The following RALA variants were observed in gnomAD, a reference collection of about 807,000 sequenced individuals.
RALA encodes ras-related protein Ral-A.
RALA carries 5 observed loss-of-function variants against 24.0 expected under a neutral mutation model. The ratio of observed to expected loss-of-function variants is 0.21; its 90% CI spans 0.11 to 0.44. RALA has a LOEUF of 0.44. Among genes scored for constraint, RALA ranks in the 20% least tolerant of loss-of-function variants. RALA has a pLI of 0.99. For missense variants in RALA, 95 were observed against 241.2 expected, an observed-to-expected ratio of 0.39 and a Z score of 4.01; for synonymous variants, 77 against 83.8, an observed-to-expected ratio of 0.92 and a Z score of 0.44.
rs181188082 is a variant in RALA, at chr7:39,677,992, A to G, written c.-37-8639A>G. Among the ~76,000 whole-genome samples, 470 of 145,134 alleles carry G rather than the reference A, an allele frequency of 3.2e-3. 1 individual carries two copies. The highest frequency in any genetic ancestry group is 0.01 in the Middle Eastern group (3 of 288). On this transcript the variant is annotated intron_variant, in intron 1 of 4. Coordinates refer to ENST00000005257, the MANE Select transcript of RALA (RefSeq NM_005402.4). ...AGTAGGTTGCGAAAATTTTCTCCCA[A>G]TGAGATCACATGGACACAGGAAGGG...
intron 1 of RALA, among the ~76,000 whole-genome samples, chr7:39,627,874 C>T (rs903356154): frequency 4.6e-5 from 7 of 152,158 alleles, no homozygotes; most frequent in African/African-American, 9.7e-5. Context: ...CTTTTTTGCC[C>T]ATTAATAAAA....
chr7:39,651,440 A>C (rs527920539), intron 1 of RALA, among the ~76,000 whole-genome samples: 1 of 152,306 alleles, frequency 6.6e-6, no homozygotes, highest in African/African-American at 2.4e-5. Context: ...TCCTCACCAC[A>C]CTGATCCACT....
At chr7:39,631,096 C>G (rs1172803713) in intron 1 of RALA, among the ~76,000 whole-genome samples, 1 of 151,662 alleles carries the variant, frequency 6.6e-6, no homozygotes, top group Admixed American at 6.6e-5. Flanking sequence ...TACCCTCTGC[C>G]TCCCAGGTTC....
At chr7:39,647,192 G>C (rs1791940899) in intron 1 of RALA, among the ~76,000 whole-genome samples, 1 of 152,118 alleles carries the variant, frequency 6.6e-6, no homozygotes, top group South Asian at 2.1e-4. Flanking sequence ...ACAGGCATGT[G>C]CCAGCATGCC....
At chr7:39,689,029 A>C (rs1792763139) in intron 2 of RALA, among the ~76,000 whole-genome samples, 1 of 152,172 alleles carries the variant, frequency 6.6e-6, no homozygotes, top group Admixed American at 6.5e-5. Flanking sequence ...AAAAACCATC[A>C]GATCTCGTGA....
chr7:39,630,368 A>G (rs546234033), intron 1 of RALA, among the ~76,000 whole-genome samples: 4 of 152,166 alleles, frequency 2.6e-5, no homozygotes, highest in East Asian at 1.9e-4. Context: ...CCCATTTTCT[A>G]TACGACTTTC....
At chr7:39,658,037 G>A (rs1792124296) in intron 1 of RALA, among the ~76,000 whole-genome samples, 1 of 152,156 alleles carries the variant, frequency 6.6e-6, no homozygotes, top group African/African-American at 2.4e-5. Context: ...AATAGCACAT[G>A]CATTCTAGTC....
chr7:39,643,838 G>T (rs996753417), intron 1 of RALA, among the ~76,000 whole-genome samples: 1 of 152,144 alleles, frequency 6.6e-6, no homozygotes, highest in East Asian at 1.9e-4. Context: ...CAGCCTGGGT[G>T]ACAAAGTTGA....
chr7:39,675,737 A>G (rs1406067601), intron 1 of RALA, among the ~76,000 whole-genome samples: 3 of 131,862 alleles, frequency 2.3e-5, no homozygotes, highest in Non-Finnish European at 5.3e-5. Flanking sequence ...TGTCTGGGAA[A>G]TTAAAAAAAA....
chr7:39,634,115 T>C (rs1791646204), intron 1 of RALA, among the ~76,000 whole-genome samples: 1 of 152,148 alleles, frequency 6.6e-6, no homozygotes, highest in African/African-American at 2.4e-5. Flanking sequence ...AGTTCCTTCC[T>C]AGAACTCCTT....
intron 3 of RALA, among the ~76,000 whole-genome samples, chr7:39,692,092 TG>T: frequency 6.6e-6 from 1 of 152,166 alleles, no homozygotes; most frequent in Non-Finnish European, 1.5e-5. Context: ...ACAATATTGT[TG>T]GTGAAAGGCT....
intron 3 of RALA, 151 bp from the exon 4 acceptor site, chr7:39,696,534 C>G (rs952092701): frequency 1.7e-6 from 1 of 591,900 alleles, no homozygotes; most frequent in African/African-American, 1.9e-5. Flanking sequence ...ACCTTAGTTG[C>G]TAATACTGTA....
At chr7:39,634,868 A>G (rs910482691) in intron 1 of RALA, among the ~76,000 whole-genome samples, 1 of 152,088 alleles carries the variant, frequency 6.6e-6, no homozygotes, top group African/African-American at 2.4e-5. Context: ...TTGTTTTGTT[A>G]AAGTTTCTAC....
chr7:39,643,496 G>A (rs1013633051), intron 1 of RALA, among the ~76,000 whole-genome samples: 2 of 152,148 alleles, frequency 1.3e-5, no homozygotes, highest in African/African-American at 2.4e-5. Context: ...TGAGGCAGGC[G>A]GATCACTTGA....
At chr7:39,697,514 G>A (rs1792943170) in intron 4 of RALA, 1 of 453,726 alleles carries the variant, frequency 2.2e-6, no homozygotes, top group African/African-American at 2.0e-5. Flanking sequence ...GGCTGAGGTA[G>A]CACAGAATCT....
intron 2 of RALA, among the ~76,000 whole-genome samples, chr7:39,688,779 G>C (rs527806069): frequency 2.0e-5 from 3 of 151,998 alleles, no homozygotes; most frequent in African/African-American, 7.3e-5. Context: ...GTATCCGTCT[G>C]TTCTCACACT....
intron 1 of RALA, among the ~76,000 whole-genome samples, chr7:39,628,121 TCCC>T (rs1791525525): frequency 6.6e-6 from 1 of 151,822 alleles, no homozygotes. Flanking sequence ...CTCTCTTCCT[TCCC>T]CTAATCTAGT....
intron 3 of RALA, among the ~76,000 whole-genome samples, chr7:39,694,019 T>C (rs956424666): frequency 2.6e-5 from 4 of 152,196 alleles, no homozygotes; most frequent in Non-Finnish European, 5.9e-5. Flanking sequence ...GTAATAATAA[T>C]AGTAACACTA....
intron 1 of RALA, among the ~76,000 whole-genome samples, chr7:39,673,445 A>G (rs1246906880): frequency 6.6e-6 from 1 of 152,150 alleles, no homozygotes. Flanking sequence ...CTTAAGTGTT[A>G]TTATTAAACT....
Sources: allele counts gnomAD v4.1 joint callset (sites outside exome capture counted in the v4.1 genomes callset), GRCh38; gene constraint gnomAD v4.1.1; transcripts MANE v1.5; gene names NCBI Gene and HGNC (gene_info 2026-07-23, HGNC 2026-07-21).